The following CNGA1 variants were observed in gnomAD, a reference collection of about 807,000 sequenced individuals.
CNGA1 encodes the protein cyclic nucleotide gated channel subunit alpha 1, also known as cyclic nucleotide-gated channel alpha-1.
In CNGA1, 53 loss-of-function variants were observed where a neutral mutation model predicts 69.7. That is an observed-to-expected ratio of 0.76 (90% CI 0.61 to 0.96). CNGA1 has a LOEUF of 0.96. Ranked by LOEUF, CNGA1 falls within the 40% of genes least tolerant of loss-of-function variation. CNGA1 has a pLI of 0.00. For synonymous variants in CNGA1, 249 were observed against 283.5 expected, an observed-to-expected ratio of 0.88 and a Z score of 1.22; for missense variants, 739 against 811.2, an observed-to-expected ratio of 0.91 and a Z score of 1.08.
At chr4:48,001,176 T>C (rs995576203) in intron 2 of CNGA1, among the ~76,000 whole-genome samples, 2 of 152,100 alleles carry the variant, frequency 1.3e-5, no homozygotes, top group Non-Finnish European at 2.9e-5. Context: ...TAATAATAAA[T>C]GTTAATAGGC....
chr4:47,956,792 A>T (rs1228262742), intron 3 of CNGA1, among the ~76,000 whole-genome samples: 2 of 152,188 alleles, frequency 1.3e-5, no homozygotes, highest in East Asian at 3.8e-4. Context: ...AAAGCAGAGC[A>T]CATTCCCAGA....
Position 47,951,483 on chromosome 4 carries a change from G to A in CNGA1, c.108-14C>T. 1 of 1,545,384 alleles carries A rather than the reference G, an allele frequency of 6.5e-7. No individual in the cohort carries two copies. The highest frequency in any genetic ancestry group is 8.9e-7 in the Non-Finnish European group (1 of 1,117,862). On this transcript the variant is annotated splice_polypyrimidine_tract_variant and intron_variant, in intron 4 of 10. Transcript: ENST00000514170. ...TCAGAAAAGGAGCTACAGTCCAATA[G>A]GAGGCAGAGAGAGAAGAGTTAATGT...
intron 2 of CNGA1, among the ~76,000 whole-genome samples, chr4:48,000,669 CAAT>C (rs1310288925): frequency 2.1e-5 from 3 of 140,602 alleles, no homozygotes; most frequent in African/African-American, 7.9e-5. Flanking sequence ...TGCCCAGCAA[CAAT>C]AAGTGATTTT....
chr4:47,950,996 G>C (rs1739705510), intron 5 of CNGA1, among the ~76,000 whole-genome samples: 1 of 152,214 alleles, frequency 6.6e-6, no homozygotes, highest in Admixed American at 6.5e-5. Flanking sequence ...ACCCCAGTGG[G>C]TCTCAGGGAA....
At chr4:47,963,243 G>T (rs922095371) in intron 3 of CNGA1, among the ~76,000 whole-genome samples, 6 of 152,216 alleles carry the variant, frequency 3.9e-5, no homozygotes, top group Non-Finnish European at 7.3e-5. Context: ...GGGCCATCAC[G>T]CCAAGCCAAT....
intron 2 of CNGA1, among the ~76,000 whole-genome samples, chr4:47,990,624 C>T (rs990973559): frequency 1.3e-5 from 2 of 152,124 alleles, no homozygotes; most frequent in African/African-American, 2.4e-5. Flanking sequence ...TGTTTGTACA[C>T]CCCCTCCCTT....
intron 2 of CNGA1, among the ~76,000 whole-genome samples, chr4:47,995,623 A>AC (rs869299120): frequency 1.4e-5 from 2 of 147,120 alleles, no homozygotes; most frequent in African/African-American, 5.2e-5. Context: ...TTAATAACTA[A>AC]CCCCCTGAAT....
At chr4:47,971,080 G>A (rs1259632960) in intron 3 of CNGA1, 2 of 454,300 alleles carry the variant, frequency 4.4e-6, no homozygotes, top group African/African-American at 2.0e-5. Context: ...ACTCCAGCCT[G>A]GGCGAAGAGC....
intron 3 of CNGA1, among the ~76,000 whole-genome samples, chr4:47,978,123 G>A (rs183164004): frequency 2.6e-5 from 4 of 152,260 alleles, no homozygotes; most frequent in Admixed American, 1.3e-4. Context: ...ACCGCGCCCA[G>A]CCCTAAGTGA....
At chr4:47,982,623 A>C (rs1278021262) in intron 2 of CNGA1, among the ~76,000 whole-genome samples, 1 of 152,160 alleles carries the variant, frequency 6.6e-6, no homozygotes, top group African/African-American at 2.4e-5. Flanking sequence ...TTATATTCTT[A>C]AATTAAAATT....
chr4:47,955,462 C>T (rs915610031), intron 3 of CNGA1, among the ~76,000 whole-genome samples: 2 of 152,104 alleles, frequency 1.3e-5, no homozygotes, highest in African/African-American at 4.8e-5. Flanking sequence ...GGATTACAGG[C>T]GTGAGCCACC....
rs1433279865 is a variant in CNGA1, at chr4:48,016,540, C to T, written c.-280G>A. ...TGCTCTATGAGGCGTGTCTGTGTTT[C>T]TCTAGTTCGCGGCTCCAGCAGTCGC... On this transcript the variant is annotated 5_prime_UTR_variant, in exon 1 of 11. Transcript: ENST00000514170. 3 of 464,682 alleles carry T rather than the reference C, an allele frequency of 6.5e-6. No individual in the cohort carries two copies. The highest frequency in any genetic ancestry group is 1.1e-5 in the Non-Finnish European group (3 of 264,194). The allele number at this position is 464,682 out of a possible 1,614,324, so 28.8% of individuals were successfully genotyped here.
chr4:47,979,176 C>T (rs1741567797), intron 3 of CNGA1, among the ~76,000 whole-genome samples: 1 of 152,006 alleles, frequency 6.6e-6, no homozygotes, highest in African/African-American at 2.4e-5. Flanking sequence ...CAAAAATTCG[C>T]TGAGTGAGGT....
At chr4:47,950,067 T>C (rs41390147) in intron 5 of CNGA1, among the ~76,000 whole-genome samples, 172 bp from the exon 6 acceptor site, 1,952 of 152,342 alleles carry the variant, frequency 0.013, 34 homozygotes, top group African/African-American at 0.044. Flanking sequence ...CATAAAAGTA[T>C]ATCCTGAGCC....
At chr4:48,012,304 T>TCAGAAGTAC (rs1274862726) in intron 1 of CNGA1, among the ~76,000 whole-genome samples, 2 of 152,142 alleles carry the variant, frequency 1.3e-5, no homozygotes, top group Admixed American at 6.5e-5. Flanking sequence ...TGCTGCTATT[T>TCAGAAGTAC]CAGAAGTACC....
chr4:47,936,359 T>C lies in CNGA1; in HGVS notation c.*62A>G. ...TCCTCTTCTTTTAAATTTTAGTTGA[T>C]GTCAGTCATAGGATCAAAAGGATCA... is the stretch of plus-strand genomic sequence containing the variant. On this transcript the variant is annotated 3_prime_UTR_variant, in exon 11 of 11. Transcript: ENST00000514170. The C allele has an allele frequency of 1.3e-6, 2 of 1,562,266 alleles. No homozygotes were observed. Among genetic ancestry groups the C allele is most frequent in the Non-Finnish European group, 8.8e-7 (1 of 1,133,812 alleles).
At chr4:47,950,682 A>G (rs899493361) in intron 5 of CNGA1, among the ~76,000 whole-genome samples, 52 of 152,224 alleles carry the variant, frequency 3.4e-4, no homozygotes, top group African/African-American at 1.2e-3. Flanking sequence ...AAGTAAAGAA[A>G]GAGTAATTAT....
Position 47,937,021 on chromosome 4 carries a change from C to T in CNGA1, c.1461G>A (p.Leu487=), listed in dbSNP as rs749616663. The T allele has an allele frequency of 1.2e-6, 2 of 1,614,106 alleles. No homozygotes were observed. Among genetic ancestry groups the T allele is most frequent in the East Asian group, 4.5e-5 (2 of 44,884 alleles). ...ADCEAGLLVE[L]VLKLQPQVYS... is the part of the protein sequence containing the mutation. ...AGACTTGGGGTTGCAATTTCAAGAC[C>T]AACTCCACCAACAGACCAGCTTCAC... The change falls in exon 11 of 11, where the codon TTG becomes TTA. Residue 487 remains leucine (L), a synonymous_variant. Coordinates refer to ENST00000514170, the MANE Select transcript of CNGA1 (RefSeq NM_001379270.1).
At chr4:47,961,199 G>A (rs1740414623) in intron 3 of CNGA1, among the ~76,000 whole-genome samples, 1 of 152,118 alleles carries the variant, frequency 6.6e-6, no homozygotes, top group Non-Finnish European at 1.5e-5. Context: ...ACAGAAAATG[G>A]ACTAAGATAC....
Sources: gnomAD v4.1 joint callset for allele counts (sites outside exome capture counted in the v4.1 genomes callset) on GRCh38, gnomAD v4.1.1 for gene constraint, MANE v1.5 for transcripts, NCBI Gene and HGNC (gene_info 2026-07-23, HGNC 2026-07-21) for gene names.